The following BAZ2B variants were observed in gnomAD, a reference collection of about 807,000 sequenced individuals.
BAZ2B encodes bromodomain adjacent to zinc finger domain protein 2B.
Under a neutral mutation model 246.0 loss-of-function variants are expected in BAZ2B, and 91 were observed. The ratio of observed to expected loss-of-function variants is 0.37; its 90% CI spans 0.31 to 0.44. The LOEUF (loss-of-function observed/expected upper bound fraction) is 0.44. BAZ2B is among the 20% of genes least tolerant of loss of function. The pLI is 1.00. For synonymous variants in BAZ2B, 855 were observed against 860.0 expected, an observed-to-expected ratio of 0.99 and a Z score of 0.10; for missense variants, 2,332 against 2,533.7, an observed-to-expected ratio of 0.92 and a Z score of 1.71.
chr2:159,346,708 A>C (rs902648822), intron 31 of BAZ2B, among the ~76,000 whole-genome samples: 4 of 152,136 alleles, frequency 2.6e-5, no homozygotes, highest in African/African-American at 7.2e-5. Flanking sequence ...AAACAAAAAA[A>C]CAAAAAACCC....
chr2:159,497,754 G>A (rs1331789667), intron 2 of BAZ2B, among the ~76,000 whole-genome samples: 2 of 151,746 alleles, frequency 1.3e-5, no homozygotes, highest in African/African-American at 4.8e-5. Flanking sequence ...GAGAGAGAGA[G>A]AAGATACTCT....
At chr2:159,511,967 CT>C (rs1394614559) in intron 2 of BAZ2B, among the ~76,000 whole-genome samples, 6 of 152,048 alleles carry the variant, frequency 3.9e-5, no homozygotes, top group Non-Finnish European at 7.4e-5. Context: ...ATGAATACAT[CT>C]TTTTTGTTCC....
chr2:159,364,630 A>G (rs2060033531), intron 27 of BAZ2B, among the ~76,000 whole-genome samples: 1 of 152,102 alleles, frequency 6.6e-6, no homozygotes, highest in Non-Finnish European at 1.5e-5. Context: ...TCAGCTTCCC[A>G]AAGTGCTGGG....
chr2:159,410,080 T>G (rs1337397894), intron 14 of BAZ2B, among the ~76,000 whole-genome samples: 1 of 152,230 alleles, frequency 6.6e-6, no homozygotes, highest in African/African-American at 2.4e-5. Flanking sequence ...TCCATGAAGA[T>G]CCCATGTTTT....
At chr2:159,488,290 C>G (rs1211249333) in intron 2 of BAZ2B, among the ~76,000 whole-genome samples, 1 of 152,080 alleles carries the variant, frequency 6.6e-6, no homozygotes, top group African/African-American at 2.4e-5. Flanking sequence ...CCAGGCTGGT[C>G]TTGAACTCCT....
intron 1 of BAZ2B, among the ~76,000 whole-genome samples, chr2:159,599,310 C>T (rs1578803781): frequency 6.6e-6 from 1 of 152,108 alleles, no homozygotes; most frequent in East Asian, 1.9e-4. Context: ...TCTGGCAGGC[C>T]ACACAAACTT....
intron 36 of BAZ2B, 108 bp from the exon 37 acceptor site, chr2:159,320,526 C>T (rs2062591847): frequency 1.1e-6 from 1 of 900,646 alleles, no homozygotes; most frequent in Non-Finnish European, 1.6e-6. Context: ...ATTAGGATAA[C>T]TGCATTTAAA....
At chr2:159,416,710 T>C (rs902594190) in intron 13 of BAZ2B, among the ~76,000 whole-genome samples, 4 of 152,226 alleles carry the variant, frequency 2.6e-5, no homozygotes, top group Admixed American at 2.6e-4. Context: ...GCCTAGAACT[T>C]AGCAGACAAA....
In BAZ2B at chr2:159,438,461, C is replaced by T. The variant is rs1392077488; in HGVS notation, c.1135G>A (p.Gly379Arg). 6.2e-7 allele frequency: 1 copy of T among 1,614,154 alleles called. No homozygotes were observed. Among genetic ancestry groups the T allele is most frequent in the Non-Finnish European group, 8.5e-7 (1 of 1,180,028 alleles). ...AAAGGTTTCACATTGGACACCAATCCCGTAGACTGTATTACACTGGTGTGT... is the reference window on the plus strand; with the variant it reads ...AAAGGTTTCACATTGGACACCAATCTCGTAGACTGTATTACACTGGTGTGT... ...NKHTSVIQSTGLVSNVKPLSL... is the reference protein window; with the variant it reads ...NKHTSVIQSTRLVSNVKPLSL... Residue 379 changes from glycine to arginine, a missense_variant, in exon 8 of 37, where the codon GGA (glycine) becomes AGA (arginine). By Grantham distance (125) the Gly-to-Arg change is moderately radical. This residue lies in a region of BAZ2B where 161 missense variants were observed against 225.8 expected (regional missense o/e 0.71). Coordinates refer to ENST00000392783, the MANE Select transcript of BAZ2B (RefSeq NM_013450.4).
chr2:159,390,174 A>ACTAC (rs1214730379), intron 20 of BAZ2B, among the ~76,000 whole-genome samples: 2 of 152,166 alleles, frequency 1.3e-5, no homozygotes, highest in Non-Finnish European at 2.9e-5. Context: ...GTTCTAACCT[A>ACTAC]CTACCGCACA....
At chr2:159,711,987 G>C in the BAZ2B span, 4 of 150,640 alleles carry the variant, frequency 2.7e-5, no homozygotes, top group Non-Finnish European at 3.0e-5. Context: ...CTTGCAGTTA[G>C]ATCACACAGG....
chr2:159,663,290 C>G, the BAZ2B span, among the ~76,000 whole-genome samples: 4 of 151,518 alleles, frequency 2.6e-5, no homozygotes, highest in Non-Finnish European at 5.9e-5. Flanking sequence ...CAACCTCCGC[C>G]TCCCAGGCTC....
chr2:159,614,330 T>C (rs1303737616), intron 1 of BAZ2B, among the ~76,000 whole-genome samples: 1 of 152,198 alleles, frequency 6.6e-6, no homozygotes, highest in Non-Finnish European at 1.5e-5. Context: ...AAAATAACTT[T>C]TAAAATCAAT....
chr2:159,359,911 C>T (rs2059502679), intron 27 of BAZ2B, among the ~76,000 whole-genome samples: 1 of 152,178 alleles, frequency 6.6e-6, no homozygotes, highest in Non-Finnish European at 1.5e-5. Flanking sequence ...AACAGCCCTT[C>T]ATGCTAAAAA....
At chr2:159,438,763 C>A in intron 7 of BAZ2B, 68 bp from the exon 8 acceptor site, 1 of 1,489,092 alleles carries the variant, frequency 6.7e-7, no homozygotes, top group South Asian at 1.4e-5. Context: ...GCAGTAAAAC[C>A]TGGAGATAAA....
chr2:159,509,322 T>C (rs1019852094), intron 2 of BAZ2B, among the ~76,000 whole-genome samples: 7 of 152,162 alleles, frequency 4.6e-5, no homozygotes, highest in African/African-American at 1.7e-4. Flanking sequence ...AACATCCTTT[T>C]ATAACATTGT....
intron 34 of BAZ2B, 52 bp downstream of exon 34, chr2:159,332,488 A>T: frequency 2.0e-6 from 3 of 1,530,972 alleles, no homozygotes; most frequent in Non-Finnish European, 2.6e-6. Flanking sequence ...GTATTAAAAA[A>T]ATAATAAAAA....
At chr2:159,318,608 T>A (rs114742384), downstream of BAZ2B, among the ~76,000 whole-genome samples, 1,205 of 152,354 alleles carry the variant, frequency 7.9e-3, 23 homozygotes, top group African/African-American at 0.028. Flanking sequence ...ATTTCTTGAA[T>A]TCTTGGAGAA....
At chr2:159,455,438 T>C (rs2150500785) in intron 3 of BAZ2B, among the ~76,000 whole-genome samples, 1 of 152,200 alleles carries the variant, frequency 6.6e-6, no homozygotes, top group African/African-American at 2.4e-5. Flanking sequence ...TATCAGGCTA[T>C]ATAAGGAAAA....
Sources: gnomAD v4.1 joint callset for allele counts (sites outside exome capture counted in the v4.1 genomes callset) on GRCh38, gnomAD v4.1.1 for gene constraint, gnomAD v4.1.1 regional missense constraint, MANE v1.5 for transcripts, NCBI Gene and HGNC (gene_info 2026-07-23, HGNC 2026-07-21) for gene names.